Variants in AUTS2 observed in about 807,000 individuals in gnomAD.
The protein encoded by AUTS2 is autism susceptibility gene 2 protein.
A neutral mutation model predicts 112.4 loss-of-function variants in AUTS2; 17 were observed. That is an observed-to-expected ratio of 0.15 (90% CI 0.10 to 0.23). The LOEUF (loss-of-function observed/expected upper bound fraction) is 0.23. Among genes scored for constraint, AUTS2 ranks in the 10% least tolerant of loss-of-function variants. AUTS2 has a pLI of 1.00. For missense variants in AUTS2, 1,510 were observed against 1,701.6 expected (o/e 0.89, Z 1.98); for synonymous variants, 751 against 702.7 (o/e 1.07, Z -1.09).
At chr7:70,321,860 A>AT (rs1480570806) in intron 4 of AUTS2, among the ~76,000 whole-genome samples, 2 of 152,186 alleles carry the variant, frequency 1.3e-5, no homozygotes, top group Non-Finnish European at 2.9e-5. Flanking sequence ...TTTATGAAGC[A>AT]TGTTGATAAT....
chr7:69,778,247 T>TATATA (rs1491333935), intron 1 of AUTS2, among the ~76,000 whole-genome samples: 11 of 38,536 alleles, frequency 2.9e-4, no homozygotes, highest in African/African-American at 5.0e-4. Flanking sequence ...TATATATATA[T>TATATA]TTTTTTTTTT....
At chr7:70,194,359 G>A (rs1025097553) in intron 4 of AUTS2, among the ~76,000 whole-genome samples, 4 of 152,160 alleles carry the variant, frequency 2.6e-5, no homozygotes, top group Non-Finnish European at 1.5e-5. Flanking sequence ...GCAGTGAACC[G>A]AGAGTGGCAC....
chr7:70,682,207 G>T (rs1298676722), intron 5 of AUTS2, among the ~76,000 whole-genome samples: 1 of 152,214 alleles, frequency 6.6e-6, no homozygotes, highest in Non-Finnish European at 1.5e-5. Flanking sequence ...GCATTTGGTG[G>T]AAATGAGAAT....
At chr7:69,685,719 CTTT>C (rs57209176) in intron 1 of AUTS2, among the ~76,000 whole-genome samples, 5 of 140,090 alleles carry the variant, frequency 3.6e-5, no homozygotes, top group Admixed American at 2.2e-4. Flanking sequence ...GATCCATGCC[CTTT>C]TTTTTTTTTT....
intron 1 of AUTS2, among the ~76,000 whole-genome samples, chr7:69,612,065 A>G (rs1439215500): frequency 6.6e-6 from 1 of 152,202 alleles, no homozygotes; most frequent in Non-Finnish European, 1.5e-5. Context: ...ATTAATTTTA[A>G]CTATAGCTGT....
At chr7:70,297,635 C>A (rs544197773) in intron 4 of AUTS2, among the ~76,000 whole-genome samples, 5 of 151,832 alleles carry the variant, frequency 3.3e-5, no homozygotes, top group African/African-American at 1.2e-4. Context: ...GGGGTTTCAC[C>A]GTGTTAGCCA....
At chr7:70,705,875 C>G (rs1465082369) in intron 6 of AUTS2, among the ~76,000 whole-genome samples, 1 of 152,180 alleles carries the variant, frequency 6.6e-6, no homozygotes, top group Admixed American at 6.5e-5. Context: ...GTGGGGTGCT[C>G]TGATAGGTCT....
intron 1 of AUTS2, among the ~76,000 whole-genome samples, chr7:69,807,572 T>G (rs924691638): frequency 6.6e-6 from 1 of 152,096 alleles, no homozygotes; most frequent in Non-Finnish European, 1.5e-5. Context: ...ATTCTTAGTG[T>G]AAATTTTTTT....
intron 9 of AUTS2, 55 bp from the exon 10 acceptor site, chr7:70,767,969 G>A: frequency 1.3e-6 from 2 of 1,563,570 alleles, no homozygotes; most frequent in Non-Finnish European, 1.8e-6. Flanking sequence ...CTCCACTGTA[G>A]CAGTGAACAA....
intron 2 of AUTS2, among the ~76,000 whole-genome samples, chr7:69,985,242 A>AG (rs1458358431): frequency 2.0e-5 from 3 of 151,482 alleles, no homozygotes; most frequent in Admixed American, 6.6e-5. Context: ...AAAAAAAAAA[A>AG]AAAAAGAAAG....
intron 4 of AUTS2, among the ~76,000 whole-genome samples, chr7:70,321,786 G>T (rs184497363): frequency 6.6e-6 from 1 of 152,160 alleles, no homozygotes; most frequent in Admixed American, 6.5e-5. Context: ...GTCACAAAAA[G>T]AGATTATGGT....
chr7:70,410,151 A>C (rs1269770711), intron 4 of AUTS2, among the ~76,000 whole-genome samples: 1 of 152,202 alleles, frequency 6.6e-6, no homozygotes, highest in Non-Finnish European at 1.5e-5. Context: ...GCCCATCATC[A>C]GGTGGGATTA....
chr7:70,346,064 A>T (rs1791482383), intron 4 of AUTS2, among the ~76,000 whole-genome samples: 1 of 152,048 alleles, frequency 6.6e-6, no homozygotes, highest in East Asian at 1.9e-4. Flanking sequence ...TTCATCTCTC[A>T]TGCTCATGGA....
intron 1 of AUTS2, among the ~76,000 whole-genome samples, chr7:69,669,770 T>A (rs1347938698): frequency 6.6e-6 from 1 of 152,180 alleles, no homozygotes; most frequent in Non-Finnish European, 1.5e-5. Context: ...GTGTGTCATT[T>A]GTTGTAAGAA....
At chr7:69,669,467 A>G (rs1796215978) in intron 1 of AUTS2, among the ~76,000 whole-genome samples, 1 of 152,146 alleles carries the variant, frequency 6.6e-6, no homozygotes, top group Admixed American at 6.5e-5. Context: ...TAATAGCCAT[A>G]TAGAGTACCA....
chr7:69,898,088 C>T (rs1167481122), intron 1 of AUTS2, among the ~76,000 whole-genome samples: 1 of 152,074 alleles, frequency 6.6e-6, no homozygotes, highest in African/African-American at 2.4e-5. Context: ...ACAAAGGATA[C>T]ATGTTTGAGG....
chr7:70,296,915 C>T (rs1026975483), intron 4 of AUTS2, among the ~76,000 whole-genome samples: 28 of 148,460 alleles, frequency 1.9e-4, no homozygotes, highest in South Asian at 4.3e-4. Flanking sequence ...TATCACAGCT[C>T]GCTGCAGCCT....
chr7:70,362,155 A>T (rs1792298442), intron 4 of AUTS2, among the ~76,000 whole-genome samples: 1 of 152,346 alleles, frequency 6.6e-6, no homozygotes, highest in South Asian at 2.1e-4. Flanking sequence ...ATCAGCAGGA[A>T]TGGTTCCTTT....
chr7:70,129,768 G>A (rs2129574453), intron 3 of AUTS2, among the ~76,000 whole-genome samples: 1 of 152,236 alleles, frequency 6.6e-6, no homozygotes, highest in Admixed American at 6.5e-5. Context: ...CATAACAGAA[G>A]GTTGAATAAT....
Sources: allele counts gnomAD v4.1 joint callset (sites outside exome capture counted in the v4.1 genomes callset), GRCh38; gene constraint gnomAD v4.1.1; transcripts MANE v1.5; gene names NCBI Gene and HGNC (gene_info 2026-07-23, HGNC 2026-07-21).